Variants in MARCHF1 observed in about 807,000 individuals in gnomAD.
MARCHF1 encodes the protein membrane associated ring-CH-type finger 1.
Under a neutral mutation model 54.2 loss-of-function variants are expected in MARCHF1, and 40 were observed. The ratio of observed to expected loss-of-function variants is 0.74; its 90% CI spans 0.57 to 0.96. The LOEUF is 0.96. MARCHF1 is among the 40% of genes least tolerant of loss of function. The pLI, the probability that MARCHF1 is intolerant of heterozygous loss-of-function variation, is 0.00. For missense variants in MARCHF1, 586 were observed against 656.5 expected, an observed-to-expected ratio of 0.89 and a Z score of 1.17; for synonymous variants, 236 against 236.3, an observed-to-expected ratio of 1.00 and a Z score of 0.01.
At chr4:164,139,523 A>T (rs1338828220) in intron 1 of MARCHF1, among the ~76,000 whole-genome samples, 1 of 151,112 alleles carries the variant, frequency 6.6e-6, no homozygotes, top group East Asian at 1.9e-4. Context: ...AAGGAGAAAG[A>T]GGGAGAAAGA....
At chr4:164,078,135 C>T (rs187023264) in intron 2 of MARCHF1, among the ~76,000 whole-genome samples, 10 of 152,246 alleles carry the variant, frequency 6.6e-5, no homozygotes, top group East Asian at 1.9e-4. Context: ...CCAATCTAAA[C>T]GCCCATCAGT....
At chr4:164,143,324 C>A (rs1188845490) in intron 1 of MARCHF1, among the ~76,000 whole-genome samples, 2 of 144,640 alleles carry the variant, frequency 1.4e-5, no homozygotes, top group Non-Finnish European at 3.0e-5. Context: ...ACAGAGAACG[C>A]CACAAAGATA....
chr4:163,784,771 C>T (rs1031181862), intron 4 of MARCHF1, among the ~76,000 whole-genome samples: 7 of 152,044 alleles, frequency 4.6e-5, no homozygotes, highest in African/African-American at 1.7e-4. Flanking sequence ...AAATATATAA[C>T]AAACAATCAA....
chr4:163,878,269 A>G (rs1197056335), intron 3 of MARCHF1, among the ~76,000 whole-genome samples: 1 of 152,206 alleles, frequency 6.6e-6, no homozygotes, highest in Non-Finnish European at 1.5e-5. Flanking sequence ...GAGATAAGCA[A>G]CAGGAGAACA....
intron 3 of MARCHF1, among the ~76,000 whole-genome samples, chr4:163,983,657 G>A (rs1002403404): frequency 6.6e-6 from 1 of 152,158 alleles, no homozygotes; most frequent in Non-Finnish European, 1.5e-5. Context: ...GTAGTCAATG[G>A]CCTGCATTTT....
At chr4:164,308,061 A>AGTTATAT (rs1734743246) in intron 1 of MARCHF1, among the ~76,000 whole-genome samples, 1 of 152,216 alleles carries the variant, frequency 6.6e-6, no homozygotes, top group Non-Finnish European at 1.5e-5. Flanking sequence ...ACTAATGAAT[A>AGTTATAT]TAGACCAGTG....
chr4:164,031,760 G>A lies in MARCHF1; in HGVS notation c.-247-43051C>T, dbSNP rs188064163. Among the ~76,000 whole-genome samples the A allele has an allele frequency of 1.0e-3, 152 of 152,172 alleles. 1 individual carries two copies. The highest frequency in any genetic ancestry group is 3.5e-3 in the African/African-American group (145 of 41,546). ...GTATTTTATTGAGGATTTTTACATC[G>A]ATGTTCATCAGGGATATTGGTCTAA... On this transcript the variant is annotated intron_variant, in intron 2 of 9. Transcript: ENST00000514618.
At chr4:163,843,498 G>A (rs963089295) in intron 4 of MARCHF1, among the ~76,000 whole-genome samples, 5 of 151,834 alleles carry the variant, frequency 3.3e-5, no homozygotes, top group African/African-American at 9.7e-5. Context: ...ATCTGTGCTC[G>A]CTTTTCTCTG....
chr4:163,793,790 G>GC (rs1241952043), intron 4 of MARCHF1, among the ~76,000 whole-genome samples: 1 of 152,054 alleles, frequency 6.6e-6, no homozygotes, highest in Non-Finnish European at 1.5e-5. Context: ...GGTGCATGCA[G>GC]CCCCCAGTCA....
chr4:164,221,628 G>C (rs1732115558), intron 1 of MARCHF1, among the ~76,000 whole-genome samples: 1 of 151,930 alleles, frequency 6.6e-6, no homozygotes, highest in Non-Finnish European at 1.5e-5. Flanking sequence ...TTTGGAGCTA[G>C]AAATTCAGTA....
intron 1 of MARCHF1, among the ~76,000 whole-genome samples, chr4:164,218,208 A>G (rs570615396): frequency 1.6e-3 from 249 of 152,262 alleles, no homozygotes; most frequent in Non-Finnish European, 2.9e-3. Flanking sequence ...TCAGGAGGTA[A>G]TGGAGAGACC....
chr4:164,004,683 C>T (rs939684802), intron 2 of MARCHF1, among the ~76,000 whole-genome samples: 23 of 151,696 alleles, frequency 1.5e-4, no homozygotes, highest in Non-Finnish European at 2.4e-4. Context: ...AAATCACTAA[C>T]AAAAAAGTCT....
intron 1 of MARCHF1, among the ~76,000 whole-genome samples, chr4:164,285,819 T>TAAAAAA (rs78385104): frequency 2.1e-5 from 2 of 95,830 alleles, no homozygotes; most frequent in East Asian, 6.4e-4. Flanking sequence ...TGTAGTTCTT[T>TAAAAAA]AAAAAAAAAA....
At chr4:163,891,845 G>A (rs775295133) in intron 3 of MARCHF1, among the ~76,000 whole-genome samples, 2 of 151,950 alleles carry the variant, frequency 1.3e-5, no homozygotes, top group Non-Finnish European at 2.9e-5. Flanking sequence ...TCTTTCTAGA[G>A]GCAATTAATA....
In MARCHF1 at chr4:164,284,344, G is replaced by A. The variant is rs894772948; in HGVS notation, c.-323+99526C>T. Among the ~76,000 whole-genome samples, 56 of 150,320 alleles carry A rather than the reference G, an allele frequency of 3.7e-4. 2 individuals carry two copies. Among genetic ancestry groups the A allele is most frequent in the Non-Finnish European group, 7.4e-4 (50 of 67,856 alleles). ...TGAGAGAGAGAGAGACAGAGAGAGA[G>A]AGAGAGAGAGAGAGAGAGCAAGAAC... On this transcript the variant is annotated intron_variant, in intron 1 of 9. Transcript: ENST00000514618.
intron 3 of MARCHF1, among the ~76,000 whole-genome samples, chr4:163,975,184 TCTCTCTCTCTCTCACA>T (rs1425010036): frequency 1.1e-4 from 15 of 134,924 alleles, no homozygotes; most frequent in African/African-American, 5.2e-4. Context: ...TCTCTCTCTC[TCTCTCTCTCTCTCACA>T]CACACACACA....
chr4:163,552,160 A>G (rs1739128133), intron 8 of MARCHF1, among the ~76,000 whole-genome samples: 1 of 152,180 alleles, frequency 6.6e-6, no homozygotes, highest in Non-Finnish European at 1.5e-5. Context: ...GTGAGGGGAC[A>G]CTATTTTCTG....
intron 1 of MARCHF1, among the ~76,000 whole-genome samples, chr4:164,318,348 G>T (rs538688569): frequency 9.9e-5 from 15 of 152,206 alleles, no homozygotes; most frequent in Middle Eastern, 3.4e-3. Context: ...AAGTAAGGGG[G>T]TTGGTTTTGT....
chr4:163,577,437 C>T lies in MARCHF1; in HGVS notation c.1191+8312G>A, dbSNP rs533081715. Among the ~76,000 whole-genome samples the T allele has an allele frequency of 1.9e-4, 29 of 152,172 alleles. No individual in the cohort carries two copies. In the South Asian group the frequency reaches 5.8e-3, roughly 31 times the overall value. On this transcript the variant is annotated intron_variant, in intron 8 of 9. Coordinates refer to ENST00000514618, the MANE Select transcript of MARCHF1 (RefSeq NM_001394959.1). ...TATCCCCTGGCATGTAGGATTCCTT[C>T]TGAGAAGTCCACTGTTAGCCTAATG...
Sources: gnomAD v4.1 joint callset for allele counts (sites outside exome capture counted in the v4.1 genomes callset) on GRCh38, gnomAD v4.1.1 for gene constraint, MANE v1.5 for transcripts, NCBI Gene and HGNC (gene_info 2026-07-23, HGNC 2026-07-21) for gene names.